The following CCNC variants were observed in gnomAD, a reference collection of about 807,000 sequenced individuals.
The protein encoded by CCNC is cyclin C.
A neutral mutation model predicts 50.0 loss-of-function variants in CCNC; 19 were observed. The observed-to-expected ratio is 0.38, with a 90% CI of 0.27 to 0.56. CCNC has a LOEUF of 0.56. CCNC is among the 20% of genes least tolerant of loss of function. The pLI is 0.72. For missense variants in CCNC, 200 were observed against 327.1 expected, an observed-to-expected ratio of 0.61 and a Z score of 3.00; for synonymous variants, 93 against 103.7, an observed-to-expected ratio of 0.90 and a Z score of 0.63.
At chr6:99,544,976 T>C in intron 11 of CCNC, 136 bp downstream of exon 11, 1 of 576,082 alleles carries the variant, frequency 1.7e-6, no homozygotes, top group East Asian at 2.9e-5. Flanking sequence ...ATCACAAATT[T>C]AAAAAATAAA....
intron 1 of CCNC, 55 bp from the exon 2 acceptor site, chr6:99,563,003 A>G: frequency 9.5e-6 from 10 of 1,047,838 alleles, no homozygotes; most frequent in Non-Finnish European, 1.4e-5. Context: ...AAACACTCTA[A>G]GATTGAACAC....
At chr6:99,559,720 CTTTTT>C (rs35825182) in intron 4 of CCNC, among the ~76,000 whole-genome samples, 1 of 128,626 alleles carries the variant, frequency 7.8e-6, no homozygotes, top group Non-Finnish European at 1.6e-5. Flanking sequence ...AGGAATAATT[CTTTTT>C]TTTTTTTTTT....
At chr6:99,557,361 T>C (rs940498176) in intron 5 of CCNC, 2 of 152,194 alleles carry the variant, frequency 1.3e-5, no homozygotes, top group African/African-American at 2.4e-5. Context: ...TTGTTGTCAT[T>C]GAAGATGATG....
intron 5 of CCNC, among the ~76,000 whole-genome samples, chr6:99,554,971 C>T (rs770503824): frequency 3.3e-5 from 5 of 152,204 alleles, no homozygotes; most frequent in Non-Finnish European, 7.3e-5. Context: ...TATTAAGGTA[C>T]ACGAGTTCAT....
intron 11 of CCNC, chr6:99,544,065 T>C: frequency 7.7e-7 from 1 of 1,294,916 alleles, no homozygotes. Flanking sequence ...TAAAATCATA[T>C]ATAAATACAG....
intron 9 of CCNC, among the ~76,000 whole-genome samples, chr6:99,548,894 A>G (rs1267874181): frequency 1.3e-5 from 2 of 152,110 alleles, no homozygotes; most frequent in Admixed American, 6.6e-5. Context: ...GTGCTCTACA[A>G]CCTATCTCAT....
At chr6:99,549,979 G>A (rs940197291) in intron 8 of CCNC, among the ~76,000 whole-genome samples, 1 of 152,068 alleles carries the variant, frequency 6.6e-6, no homozygotes, top group African/African-American at 2.4e-5. Flanking sequence ...TTAACAGTCT[G>A]TGTTTTGTAT....
chr6:99,546,574 C>G, intron 9 of CCNC, 100 bp from the exon 10 acceptor site: 2 of 772,912 alleles, frequency 2.6e-6, no homozygotes, highest in Non-Finnish European at 2.2e-6. Context: ...TTTTCCAACA[C>G]TCTTTAAAAA....
chr6:99,558,044 G>GT (rs138269112), intron 5 of CCNC: 1 of 164,536 alleles, frequency 6.1e-6, no homozygotes, highest in East Asian at 1.7e-4. Flanking sequence ...CCTCAGCAAA[G>GT]TAACATACTA....
intron 5 of CCNC, chr6:99,558,179 A>G (rs1245710570): frequency 8.2e-6 from 3 of 367,694 alleles, no homozygotes; most frequent in Non-Finnish European, 1.4e-5. Flanking sequence ...TAGTCATTAG[A>G]AAACAATAAA....
At chr6:99,548,086 G>C (rs1802141461) in intron 9 of CCNC, among the ~76,000 whole-genome samples, 1 of 152,132 alleles carries the variant, frequency 6.6e-6, no homozygotes, top group African/African-American at 2.4e-5. Flanking sequence ...CTGAGGTGCT[G>C]GTGGGATGCC....
intron 5 of CCNC, among the ~76,000 whole-genome samples, chr6:99,553,039 CAA>C (rs11325067): frequency 1.1e-3 from 155 of 144,372 alleles, no homozygotes; most frequent in African/African-American, 1.8e-3. Context: ...GACTCCATCT[CAA>C]AAAAAAAAAA....
At chr6:99,549,602 C>T (rs776497936) in intron 8 of CCNC, 27 bp from the exon 9 acceptor site, 1 of 1,447,784 alleles carries the variant, frequency 6.9e-7, no homozygotes, top group East Asian at 2.3e-5. Flanking sequence ...CATATTATTA[C>T]TGAAAGCAGA....
chr6:99,558,250 G>C (rs1410222002), intron 5 of CCNC: 13 of 453,044 alleles, frequency 2.9e-5, no homozygotes, highest in Non-Finnish European at 4.8e-5. Context: ...AAGCCACTGA[G>C]TTGATGTTTT....
At chr6:99,548,918 C>A (rs147922551) in intron 9 of CCNC, among the ~76,000 whole-genome samples, 1 of 151,880 alleles carries the variant, frequency 6.6e-6, no homozygotes, top group Admixed American at 6.6e-5. Context: ...ATTCTTCAAA[C>A]GGCTCAGTGG....
intron 5 of CCNC, among the ~76,000 whole-genome samples, chr6:99,553,991 C>T (rs1802415170): frequency 6.6e-6 from 1 of 152,196 alleles, no homozygotes; most frequent in East Asian, 1.9e-4. Flanking sequence ...TGTCCTTTTT[C>T]TATCCTAGGG....
At chr6:99,567,665 T>G (rs1249702077) in intron 1 of CCNC, among the ~76,000 whole-genome samples, 1 of 152,220 alleles carries the variant, frequency 6.6e-6, no homozygotes, top group Non-Finnish European at 1.5e-5. Flanking sequence ...CCAAGATACC[T>G]TGTCAAATTC....
intron 1 of CCNC, chr6:99,568,169 T>C (rs1769232824): frequency 2.5e-6 from 1 of 399,484 alleles, no homozygotes; most frequent in African/African-American, 2.0e-5. Context: ...TGAGTCACAC[T>C]TCCCGTACCT....
chr6:99,552,183 A>C lies in CCNC; in HGVS notation c.347-288T>G, dbSNP rs1024679231. ...AAAATCACTGGCTTTTATCATTTCT[A>C]AAATCTTTTCAGCTACAGAATGGTA... On this transcript the variant is annotated intron_variant, in intron 5 of 11. Coordinates refer to ENST00000520429, the MANE Select transcript of CCNC (RefSeq NM_005190.4). Among the ~76,000 whole-genome samples the C allele has an allele frequency of 3.0e-4, 46 of 152,184 alleles. 1 individual carries two copies. The highest frequency in any genetic ancestry group is 1.0e-3 in the African/African-American group (42 of 41,454).
Sources: gnomAD v4.1 joint callset for allele counts (sites outside exome capture counted in the v4.1 genomes callset) on GRCh38, gnomAD v4.1.1 for gene constraint, MANE v1.5 for transcripts, NCBI Gene and HGNC (gene_info 2026-07-23, HGNC 2026-07-21) for gene names.